The following SLC4A4 variants were observed in gnomAD, a reference collection of about 807,000 sequenced individuals.
The protein encoded by SLC4A4 is electrogenic sodium bicarbonate cotransporter 1.
Under a neutral mutation model 111.5 loss-of-function variants are expected in SLC4A4, and 27 were observed. The observed-to-expected ratio is 0.24, with a 90% CI of 0.18 to 0.33. SLC4A4 has a LOEUF of 0.33. Among genes scored for constraint, SLC4A4 ranks in the 10% least tolerant of loss-of-function variants. The pLI, the probability that SLC4A4 is intolerant of heterozygous loss-of-function variation, is 1.00. For synonymous variants in SLC4A4, 443 were observed against 463.4 expected, an observed-to-expected ratio of 0.96 and a Z score of 0.57; for missense variants, 909 against 1,315.5, an observed-to-expected ratio of 0.69 and a Z score of 4.78.
chr4:71,140,107 G>A (rs1177066657), intron 2 of SLC4A4, among the ~76,000 whole-genome samples: 1 of 152,058 alleles, frequency 6.6e-6, no homozygotes, highest in Non-Finnish European at 1.5e-5. Context: ...TGAACACATA[G>A]CATCCAATGG....
At chr4:71,436,497 T>C (rs1724158550) in intron 7 of SLC4A4, among the ~76,000 whole-genome samples, 1 of 152,140 alleles carries the variant, frequency 6.6e-6, no homozygotes, top group African/African-American at 2.4e-5. Flanking sequence ...CCACAGCACG[T>C]GTATACATAT....
intron 4 of SLC4A4, among the ~76,000 whole-genome samples, chr4:71,342,237 A>G (rs763333922): frequency 6.6e-6 from 1 of 152,218 alleles, no homozygotes; most frequent in Non-Finnish European, 1.5e-5. Flanking sequence ...TATAGAAAAA[A>G]ATCCTCTGTA....
Position 71,153,054 on chromosome 4 carries a change from A to ATATATATATATATATAT in SLC4A4, c.-2+60262_-2+60263insTATATATATATATATAT, listed in dbSNP as rs528058780. Among the ~76,000 whole-genome samples, 835 of 140,666 alleles carry ATATATATATATATATAT rather than the reference A, an allele frequency of 5.9e-3. 3 individuals are homozygous for ATATATATATATATATAT. The highest frequency in any genetic ancestry group is 0.01 in the Non-Finnish European group (670 of 66,410). The allele number at this position is 140,666 out of a possible 152,430, so 92.3% of individuals were successfully genotyped here. A position where few individuals can be genotyped will look rare whatever the true frequency, so the allele number is the denominator to read the frequency against. Reference sequence around the variant, plus strand: ...GTGTGTATATATATATATATATATAAAAATAAAAGGAAGTTTATTAAGTAT... The same window carrying ATATATATATATATATAT: ...GTGTGTATATATATATATATATATAATATATATATATATATATAAATAAAAGGAAGTTTATTAAGTAT... On this transcript the variant is annotated intron_variant, in intron 2 of 26. Coordinates refer to the SLC4A4 transcript ENST00000649996.
chr4:71,376,915 G>A (rs1732459845), intron 6 of SLC4A4, among the ~76,000 whole-genome samples: 2 of 152,094 alleles, frequency 1.3e-5, no homozygotes, highest in African/African-American at 4.8e-5. Context: ...GGGATTACAG[G>A]CGTGAGCACC....
At position 71,209,667 on chromosome 4, in the gene SLC4A4, T is replaced by C. The variant is rs540948877; in HGVS notation, c.-2+22266T>C. 2.6e-5 allele frequency among the ~76,000 whole-genome samples: 4 copies of C among 152,330 alleles called. No individual in the cohort carries two copies. In the South Asian group the frequency reaches 8.3e-4, roughly 32 times the overall value. On this transcript the variant is annotated intron_variant, in intron 1 of 25. Coordinates refer to ENST00000264485, the MANE Select transcript of SLC4A4 (RefSeq NM_001098484.3). ...GGACTCAAATTGCTCAATCTCTGAT[T>C]TTCAGACCTATTTATTTTTTTCCTT...
intron 5 of SLC4A4, among the ~76,000 whole-genome samples, chr4:71,351,308 A>T (rs1460898439): frequency 6.6e-6 from 1 of 152,122 alleles, no homozygotes; most frequent in Non-Finnish European, 1.5e-5. Flanking sequence ...CCTACAATCA[A>T]CCCTAACCCA....
At chr4:71,247,232 A>G (rs1273424037) in intron 2 of SLC4A4, among the ~76,000 whole-genome samples, 1 of 148,076 alleles carries the variant, frequency 6.8e-6, no homozygotes, top group Non-Finnish European at 1.5e-5. Flanking sequence ...TCAATATTTT[A>G]TATAAGATAT....
chr4:71,080,021 A>T lies in SLC4A4; in HGVS notation c.-64-12709A>T, dbSNP rs150599506. ...AGCAACACCCCTCTCTGGAGGGATT[A>T]ATATATTGATCAGCCTCTGGAGGGT... On this transcript the variant is annotated intron_variant, in intron 1 of 26. Transcript: ENST00000649996. Among the ~76,000 whole-genome samples the T allele has an allele frequency of 3.9e-4, 59 of 152,090 alleles. 3 individuals are homozygous for T. Among genetic ancestry groups the T allele is most frequent in the African/African-American group, 1.4e-3 (57 of 41,390 alleles).
intron 18 of SLC4A4, among the ~76,000 whole-genome samples, chr4:71,535,005 A>G (rs773553692): frequency 2.0e-5 from 3 of 152,184 alleles, no homozygotes; most frequent in Non-Finnish European, 2.9e-5. Context: ...CTTACTTTAT[A>G]TAATGTTTTT....
intron 13 of SLC4A4, 26 bp downstream of exon 13, chr4:71,466,603 A>G (rs1429915915): frequency 1.9e-6 from 3 of 1,608,356 alleles, no homozygotes; most frequent in Non-Finnish European, 2.6e-6. Context: ...TTTAATTGCA[A>G]ATTAGAATTG....
At chr4:71,160,565 G>T (rs1043445786) in intron 2 of SLC4A4, among the ~76,000 whole-genome samples, 1 of 151,950 alleles carries the variant, frequency 6.6e-6, no homozygotes, top group East Asian at 1.9e-4. Context: ...AAGGGGAAAT[G>T]TGGACAGAGG....
At chr4:71,283,684 G>T (rs1174870862) in intron 3 of SLC4A4, among the ~76,000 whole-genome samples, 2 of 152,106 alleles carry the variant, frequency 1.3e-5, no homozygotes, top group Admixed American at 6.5e-5. Context: ...AGCATGTATT[G>T]CTATTTACAG....
At chr4:71,527,416 T>C (rs1733513061) in intron 16 of SLC4A4, among the ~76,000 whole-genome samples, 1 of 152,094 alleles carries the variant, frequency 6.6e-6, no homozygotes, top group South Asian at 2.1e-4. Flanking sequence ...GTTTTAGGTC[T>C]GAGCAATGGG....
At chr4:71,240,284 C>T (rs1348983687) in intron 2 of SLC4A4, among the ~76,000 whole-genome samples, 3 of 152,156 alleles carry the variant, frequency 2.0e-5, no homozygotes, top group African/African-American at 4.8e-5. Context: ...AGAGCAAACT[C>T]CACCTTATCC....
chr4:71,295,703 G>A (rs1208630614), intron 3 of SLC4A4, among the ~76,000 whole-genome samples: 1 of 151,442 alleles, frequency 6.6e-6, no homozygotes, highest in African/African-American at 2.4e-5. Context: ...CTGTCACCCA[G>A]GCTGGAGTGC....
At chr4:71,177,501 A>G (rs1745133152) in intron 2 of SLC4A4, among the ~76,000 whole-genome samples, 1 of 152,174 alleles carries the variant, frequency 6.6e-6, no homozygotes, top group South Asian at 2.1e-4. Flanking sequence ...AAGCAAATGG[A>G]AAACAAAAAA....
chr4:71,281,941 T>G (rs1339185290), intron 3 of SLC4A4, among the ~76,000 whole-genome samples: 1 of 151,368 alleles, frequency 6.6e-6, no homozygotes, highest in Non-Finnish European at 1.5e-5. Context: ...TTTTTTTTGG[T>G]TTCCCTTTAA....
intron 1 of SLC4A4, among the ~76,000 whole-genome samples, chr4:71,188,320 T>C (rs1258724849): frequency 6.6e-6 from 1 of 152,186 alleles, no homozygotes; most frequent in East Asian, 1.9e-4. Context: ...ACTGTTTTTT[T>C]CTATCCTTCC....
intron 16 of SLC4A4, among the ~76,000 whole-genome samples, chr4:71,503,614 C>T (rs978145917): frequency 6.6e-6 from 1 of 152,012 alleles, no homozygotes; most frequent in African/African-American, 2.4e-5. Context: ...ATGTTTGTTA[C>T]CTTAATTTAC....
Sources: gnomAD v4.1 joint callset for allele counts (sites outside exome capture counted in the v4.1 genomes callset) on GRCh38, gnomAD v4.1.1 for gene constraint, MANE v1.5 for transcripts, NCBI Gene and HGNC (gene_info 2026-07-23, HGNC 2026-07-21) for gene names.